Variants in CSMD1 observed in about 807,000 individuals in gnomAD.
The protein encoded by CSMD1 is CUB and Sushi multiple domains 1, also known as CUB and sushi domain-containing protein 1.
In CSMD1, 213 loss-of-function variants were observed where a neutral mutation model predicts 417.5. The observed-to-expected ratio is 0.51, with a 90% CI of 0.46 to 0.57. The LOEUF is 0.57. Among genes scored for constraint, CSMD1 ranks in the 20% least tolerant of loss-of-function variants. The pLI is 0.00. For synonymous variants in CSMD1, 2,862 were observed against 1,736.8 expected, an observed-to-expected ratio of 1.65 and a Z score of -16.11; for missense variants, 6,923 against 4,529.7, an observed-to-expected ratio of 1.53 and a Z score of -15.17.
At chr8:3,941,254 A>T in intron 5 of CSMD1, among the ~76,000 whole-genome samples, 1 of 152,192 alleles carries the variant, frequency 6.6e-6, no homozygotes, top group African/African-American at 2.4e-5. Context: ...CATTTAGCTG[A>T]AACCTGACTT....
At chr8:3,431,963 C>A (rs1455758566) in intron 12 of CSMD1, among the ~76,000 whole-genome samples, 1 of 152,136 alleles carries the variant, frequency 6.6e-6, no homozygotes, top group Non-Finnish European at 1.5e-5. Flanking sequence ...TTAGTAGATG[C>A]TTGATAGTAT....
intron 1 of CSMD1, among the ~76,000 whole-genome samples, chr8:4,940,867 G>T (rs891210644): frequency 6.6e-6 from 1 of 152,104 alleles, no homozygotes; most frequent in African/African-American, 2.4e-5. Context: ...GTTAAAAATT[G>T]TTTTTTCTTC....
intron 29 of CSMD1, among the ~76,000 whole-genome samples, chr8:3,218,974 A>C (rs919850613): frequency 2.6e-5 from 4 of 152,218 alleles, no homozygotes; most frequent in African/African-American, 9.6e-5. Context: ...TAATTATTAA[A>C]TGTCATCAAA....
At chr8:4,606,824 T>A (rs376232558) in intron 2 of CSMD1, among the ~76,000 whole-genome samples, 13 of 152,338 alleles carry the variant, frequency 8.5e-5, no homozygotes, top group African/African-American at 2.6e-4. Flanking sequence ...ACTAATTTTA[T>A]AAATCCAGAA....
At chr8:4,425,545 C>T (rs539715492) in intron 2 of CSMD1, among the ~76,000 whole-genome samples, 1 of 152,150 alleles carries the variant, frequency 6.6e-6, no homozygotes, top group South Asian at 2.1e-4. Flanking sequence ...AAGGAGCTGG[C>T]AAGACTCACT....
At chr8:4,225,153 C>T (rs910644198) in intron 3 of CSMD1, among the ~76,000 whole-genome samples, 4 of 152,142 alleles carry the variant, frequency 2.6e-5, no homozygotes, top group Non-Finnish European at 5.9e-5. Context: ...TTGTTCATGT[C>T]AGGGCAACTT....
chr8:3,363,639 T>G (rs1164117310), intron 20 of CSMD1, among the ~76,000 whole-genome samples: 1 of 152,170 alleles, frequency 6.6e-6, no homozygotes, highest in African/African-American at 2.4e-5. Context: ...TCCATTCTCC[T>G]GCCTCAGTCT....
At chr8:3,434,710 G>C (rs533210171) in intron 12 of CSMD1, among the ~76,000 whole-genome samples, 1 of 152,142 alleles carries the variant, frequency 6.6e-6, no homozygotes, top group Admixed American at 6.5e-5. Flanking sequence ...ACTTCATTTT[G>C]CTGCTGAATA....
intron 2 of CSMD1, among the ~76,000 whole-genome samples, chr8:4,491,142 C>T (rs933366737): frequency 1.3e-5 from 2 of 151,932 alleles, no homozygotes; most frequent in African/African-American, 2.4e-5. Flanking sequence ...TACAACAAAC[C>T]CCCAAGACAC....
intron 2 of CSMD1, among the ~76,000 whole-genome samples, chr8:4,457,122 G>C (rs886271729): frequency 6.6e-6 from 1 of 151,972 alleles, no homozygotes; most frequent in Non-Finnish European, 1.5e-5. Flanking sequence ...TTCTTACTGT[G>C]AAAGAGTTAT....
intron 3 of CSMD1, among the ~76,000 whole-genome samples, chr8:4,082,675 A>G (rs1800202809): frequency 6.6e-6 from 1 of 151,896 alleles, no homozygotes; most frequent in South Asian, 2.1e-4. Flanking sequence ...CAGGTTAGTT[A>G]CATATGCATA....
chr8:4,812,816 T>G (rs1015509707), intron 1 of CSMD1, among the ~76,000 whole-genome samples: 1 of 152,246 alleles, frequency 6.6e-6, no homozygotes, highest in Non-Finnish European at 1.5e-5. Context: ...AACACATTTC[T>G]AATACTCCAC....
At chr8:2,953,688 C>A (rs1014721449) in intron 65 of CSMD1, among the ~76,000 whole-genome samples, 1 of 152,150 alleles carries the variant, frequency 6.6e-6, no homozygotes, top group Non-Finnish European at 1.5e-5. Flanking sequence ...TGCATCTTTG[C>A]GATTTGCTAT....
intron 2 of CSMD1, among the ~76,000 whole-genome samples, chr8:4,494,738 G>T (rs1384188519): frequency 2.6e-5 from 4 of 151,878 alleles, no homozygotes; most frequent in African/African-American, 7.3e-5. Context: ...AAAAATGGCT[G>T]CATAGATTGT....
intron 3 of CSMD1, among the ~76,000 whole-genome samples, chr8:4,053,890 A>T (rs1320118946): frequency 8.5e-5 from 13 of 152,246 alleles, no homozygotes; most frequent in Admixed American, 8.5e-4. Context: ...TGCTATAATT[A>T]TCATAAATAA....
intron 2 of CSMD1, among the ~76,000 whole-genome samples, chr8:4,603,761 G>C (rs746545250): frequency 6.6e-6 from 1 of 152,156 alleles, no homozygotes; most frequent in Admixed American, 6.5e-5. Context: ...GGATGATTTT[G>C]GTGTACCGGA....
In CSMD1 at chr8:4,873,451, C is replaced by A. The variant is rs576999931; in HGVS notation, c.85+120881G>T. 2.6e-5 allele frequency among the ~76,000 whole-genome samples: 4 copies of A among 152,154 alleles called. No homozygotes were observed. In the East Asian group the frequency reaches 7.7e-4, roughly 29 times the overall value. The stretch of plus-strand genomic sequence containing the variant: ...AATCTAACTCAGAGAATATTCCCTT[C>A]TTGAGAAAAAATTCCAGAAATTTTA... On this transcript the variant is annotated intron_variant, in intron 1 of 69. Transcript: ENST00000635120.
chr8:3,742,700 G>C (rs1269649570), intron 6 of CSMD1, among the ~76,000 whole-genome samples: 1 of 151,728 alleles, frequency 6.6e-6, no homozygotes, highest in African/African-American at 2.4e-5. Context: ...TTAATCACCT[G>C]AGAAGCTTGC....
intron 18 of CSMD1, among the ~76,000 whole-genome samples, chr8:3,379,563 G>T (rs189009469): frequency 7.2e-5 from 11 of 152,216 alleles, no homozygotes; most frequent in East Asian, 1.9e-4. Flanking sequence ...TAGACCAATG[G>T]AACAGAACAG....
Sources: gnomAD v4.1 joint callset for allele counts (sites outside exome capture counted in the v4.1 genomes callset) on GRCh38, gnomAD v4.1.1 for gene constraint, MANE v1.5 for transcripts, NCBI Gene and HGNC (gene_info 2026-07-23, HGNC 2026-07-21) for gene names.